The following PRICKLE1 variants were observed in gnomAD, a reference collection of about 807,000 sequenced individuals.
PRICKLE1 encodes prickle-like protein 1.
In PRICKLE1, 14 loss-of-function variants were observed where a neutral mutation model predicts 70.2. The ratio of observed to expected loss-of-function variants is 0.20; its 90% CI spans 0.13 to 0.31. PRICKLE1 has a LOEUF of 0.31. PRICKLE1 is among the 10% of genes least tolerant of loss of function. The probability of loss-of-function intolerance (pLI) is 1.00; values close to 1 mark genes in which losing one functional copy is unlikely to be tolerated. For synonymous variants in PRICKLE1, 357 were observed against 379.9 expected (o/e 0.94, Z 0.70); for missense variants, 821 against 1,026.2 (o/e 0.80, Z 2.73).
chr12:42,584,135 G>A (rs961142594), intron 1 of PRICKLE1, among the ~76,000 whole-genome samples: 1 of 152,134 alleles, frequency 6.6e-6, no homozygotes, highest in Non-Finnish European at 1.5e-5. Flanking sequence ...GTGAAATTAT[G>A]TGCTGATTCC....
chr12:42,512,374 A>G (rs546117977), intron 1 of PRICKLE1, among the ~76,000 whole-genome samples: 5 of 152,202 alleles, frequency 3.3e-5, no homozygotes, highest in Admixed American at 6.5e-5. Flanking sequence ...GGGTTTCACC[A>G]TGTTGGACAG....
chr12:42,538,383 A>T (rs955618627), intron 1 of PRICKLE1, among the ~76,000 whole-genome samples: 5 of 152,180 alleles, frequency 3.3e-5, no homozygotes, highest in African/African-American at 1.2e-4. Flanking sequence ...TCAAAAACAC[A>T]GTGCTTGTAT....
chr12:42,459,861 G>C lies in PRICKLE1; in HGVS notation c.2444C>G (p.Thr815Arg). ...GTGTCCCTTTTTCTTCTTGGATTTT[G>C]TTGTCCTCTGACCAAACTGAGGGGT... is the stretch of plus-strand genomic sequence containing the variant. ...LPTPQFGQRT[T>R]KSKKKKGHKG... Residue 815 changes from threonine (T) to arginine (R), a missense_variant, in exon 8 of 8, where the codon ACA becomes AGA. By Grantham distance (71) the Thr-to-Arg change is moderately conservative. Coordinates refer to ENST00000345127, the MANE Select transcript of PRICKLE1 (RefSeq NM_153026.3). 1.2e-6 allele frequency: 2 copies of C among 1,614,056 alleles called. No homozygotes were observed. The highest frequency in any genetic ancestry group is 1.7e-6 in the Non-Finnish European group (2 of 1,179,984).
At chr12:42,463,309 C>T (rs1937934243) in intron 7 of PRICKLE1, among the ~76,000 whole-genome samples, 1 of 151,250 alleles carries the variant, frequency 6.6e-6, no homozygotes, top group South Asian at 2.1e-4. Context: ...CAAAACAAAA[C>T]AAAAAACTAG....
intron 1 of PRICKLE1, among the ~76,000 whole-genome samples, chr12:42,505,413 G>A (rs1407290541): frequency 6.6e-6 from 1 of 152,140 alleles, no homozygotes; most frequent in East Asian, 1.9e-4. Flanking sequence ...TGATGCATGG[G>A]AATTAGGTTG....
intron 1 of PRICKLE1, among the ~76,000 whole-genome samples, chr12:42,530,246 T>C (rs1438429812): frequency 6.6e-6 from 1 of 152,022 alleles, no homozygotes; most frequent in African/African-American, 2.4e-5. Context: ...GCCCGGCCTA[T>C]AAGGAAGAAT....
Position 42,581,487 on chromosome 12 carries a change from G to A in PRICKLE1, c.-49+7978C>T, listed in dbSNP as rs765706971. Among the ~76,000 whole-genome samples, 33 of 152,110 alleles carry A rather than the reference G, an allele frequency of 2.2e-4. 1 individual carries two copies. The highest frequency in any genetic ancestry group is 1.2e-4 in the Non-Finnish European group (8 of 68,036). On this transcript the variant is annotated intron_variant, in intron 1 of 7. Transcript: ENST00000345127. ...AAGCCAGGTGAGGTGGCTCACACCT[G>A]TAATCCCAGTACTTTGGGAGGGCGA...
chr12:42,578,839 TG>T (rs1224828987), intron 1 of PRICKLE1, among the ~76,000 whole-genome samples: 2 of 152,124 alleles, frequency 1.3e-5, no homozygotes, highest in African/African-American at 4.8e-5. Context: ...CTTGGCTCAC[TG>T]CAACCTCAGC....
At chr12:42,510,624 T>G (rs1436152068) in intron 1 of PRICKLE1, among the ~76,000 whole-genome samples, 1 of 152,224 alleles carries the variant, frequency 6.6e-6, no homozygotes, top group Non-Finnish European at 1.5e-5. Context: ...CATTTGTATT[T>G]TATTCCTGGT....
intron 1 of PRICKLE1, among the ~76,000 whole-genome samples, chr12:42,516,411 C>T (rs540328642): frequency 9.5e-4 from 145 of 152,228 alleles, no homozygotes; most frequent in African/African-American, 3.2e-3. Flanking sequence ...GTATTACAGG[C>T]GTGAGCCACC....
chr12:42,542,531 A>G (rs997626608), intron 1 of PRICKLE1, among the ~76,000 whole-genome samples: 1 of 151,964 alleles, frequency 6.6e-6, no homozygotes, highest in Non-Finnish European at 1.5e-5. Flanking sequence ...CATGCCTATA[A>G]TCCCAGCTAC....
intron 1 of PRICKLE1, among the ~76,000 whole-genome samples, chr12:42,498,166 TTC>T (rs1159954222): frequency 1.4e-5 from 2 of 141,744 alleles, no homozygotes; most frequent in African/African-American, 5.6e-5. Context: ...TTTTTTTCTT[TTC>T]TCTCTCTCTT....
Position 42,502,370 on chromosome 12 carries a change from C to T in PRICKLE1, c.-48-29806G>A, listed in dbSNP as rs1272065595. On this transcript the variant is annotated intron_variant, in intron 1 of 7. Transcript: ENST00000345127. Reference sequence around the variant, plus strand: ...TTGTCCAAGTTGGAGTGCAGTGGCACGATCAAAGCTCACTGCAGCCTCAAA... The same window carrying T: ...TTGTCCAAGTTGGAGTGCAGTGGCATGATCAAAGCTCACTGCAGCCTCAAA... Among the ~76,000 whole-genome samples the T allele has an allele frequency of 5.3e-5, 8 of 151,296 alleles. No individual in the cohort carries two copies. The South Asian group carries it at 6.2e-4, about 12-fold the overall frequency.
intron 1 of PRICKLE1, among the ~76,000 whole-genome samples, chr12:42,572,159 C>T (rs1301834693): frequency 6.6e-6 from 1 of 152,040 alleles, no homozygotes; most frequent in Non-Finnish European, 1.5e-5. Context: ...CTAGGCCGGG[C>T]GCGGTGGCTT....
intron 1 of PRICKLE1, chr12:42,524,774 AAT>A (rs1939772458): frequency 6.6e-6 from 1 of 152,140 alleles, no homozygotes; most frequent in Non-Finnish European, 1.5e-5. Context: ...TTGTCTTTAG[AAT>A]ATTTGTTTTT....
intron 4 of PRICKLE1, 46 bp downstream of exon 4, chr12:42,469,404 T>C (rs1938227090): frequency 6.2e-7 from 1 of 1,611,844 alleles, no homozygotes; most frequent in Non-Finnish European, 8.5e-7. Context: ...GTCCACCCCA[T>C]CCACATCACT....
chr12:42,467,746 A>C (rs978581670), intron 5 of PRICKLE1, among the ~76,000 whole-genome samples: 11 of 152,214 alleles, frequency 7.2e-5, no homozygotes, highest in African/African-American at 2.7e-4. Context: ...ACTCCATCCC[A>C]AAAAAATAAA....
At chr12:42,486,920 G>A (rs1428727570) in intron 1 of PRICKLE1, among the ~76,000 whole-genome samples, 3 of 152,192 alleles carry the variant, frequency 2.0e-5, no homozygotes, top group African/African-American at 7.2e-5. Context: ...ACCTAAATTT[G>A]AGGGGCAGTT....
chr12:42,537,180 C>T (rs1427412287), intron 1 of PRICKLE1, among the ~76,000 whole-genome samples: 1 of 151,820 alleles, frequency 6.6e-6, no homozygotes, highest in Non-Finnish European at 1.5e-5. Flanking sequence ...ACTCTGTCAC[C>T]CAGGCTGGAG....
Sources: gnomAD v4.1 joint callset for allele counts (sites outside exome capture counted in the v4.1 genomes callset) on GRCh38, gnomAD v4.1.1 for gene constraint, MANE v1.5 for transcripts, NCBI Gene and HGNC (gene_info 2026-07-23, HGNC 2026-07-21) for gene names.